The following ADCK1 variants were observed in gnomAD, a reference collection of about 807,000 sequenced individuals.
The protein encoded by ADCK1 is aarF domain-containing protein kinase 1.
In ADCK1, 41 loss-of-function variants were observed where a neutral mutation model predicts 52.3. The ratio of observed to expected loss-of-function variants is 0.78; its 90% confidence interval spans 0.61 to 1.02. ADCK1 has a LOEUF of 1.02. ADCK1 is among the 50% of genes least tolerant of loss of function. The pLI is 0.00. For missense variants in ADCK1, 658 were observed against 679.5 expected (o/e 0.97, Z 0.35); for synonymous variants, 250 against 274.6 (o/e 0.91, Z 0.89).
chr14:77,852,899 ATATATATATTTTTTTTT>A (rs1288363016), intron 3 of ADCK1, among the ~76,000 whole-genome samples: 1 of 33,470 alleles, frequency 3.0e-5, no homozygotes, highest in East Asian at 4.2e-4. Flanking sequence ...ATATATATAT[ATATATATATTTTTTTTT>A]TTTTTTTTTT....
intron 1 of ADCK1, among the ~76,000 whole-genome samples, chr14:77,807,508 ATTT>A (rs35510266): frequency 3.1e-5 from 4 of 130,296 alleles, no homozygotes; most frequent in African/African-American, 5.8e-5. Context: ...CGCCCAGCTA[ATTT>A]TTTTTTTTTT....
chr14:77,876,218 T>C (rs989186308), intron 4 of ADCK1, among the ~76,000 whole-genome samples: 2 of 152,196 alleles, frequency 1.3e-5, no homozygotes, highest in African/African-American at 4.8e-5. Flanking sequence ...TTTTCTTGGC[T>C]TTTCCAGCTT....
rs199682998 is a variant in ADCK1 at position 77,925,854 on chromosome 14, C to G, written c.1099C>G (p.Arg367Gly). 1 of 1,614,206 alleles carries G rather than the reference C, an allele frequency of 6.2e-7. No homozygotes were observed. The highest frequency in any genetic ancestry group is 1.7e-5 in the Admixed American group (1 of 60,024). Reference sequence around the variant, plus strand: ...GAAGAGAGTGAAGGAGTACAGCCAGCGACTGGGAGCCGGGGATCTCTACCC... The same window carrying G: ...GAAGAGAGTGAAGGAGTACAGCCAGGGACTGGGAGCCGGGGATCTCTACCC... ...DMKRVKEYSQRLGAGDLYPLF... is the reference protein window; with the variant it reads ...DMKRVKEYSQGLGAGDLYPLF... Residue 367 changes from arginine to glycine, a missense_variant, in exon 9 of 11, where the codon CGA becomes GGA. Physicochemically the swap from Arg to Gly is moderately radical, Grantham distance 125 (BLOSUM62 -2). Transcript: ENST00000238561.
At chr14:77,823,778 T>C (rs571989924) in intron 3 of ADCK1, among the ~76,000 whole-genome samples, 2 of 152,156 alleles carry the variant, frequency 1.3e-5, no homozygotes, top group South Asian at 2.1e-4. Flanking sequence ...TAGCATGTTG[T>C]CCAGGCTGTC....
intron 4 of ADCK1, among the ~76,000 whole-genome samples, chr14:77,863,342 T>C (rs1419517227): frequency 6.6e-6 from 1 of 151,820 alleles, no homozygotes; most frequent in Non-Finnish European, 1.5e-5. Context: ...GAGGAAGATA[T>C]AGATGGGGAG....
chr14:77,809,410 A>G lies in ADCK1; in HGVS notation c.-12+9240A>G, dbSNP rs906258198. ...AATGGCGTGACCTTGGCTCACTACA[A>G]TTACCGCCTCCCGGGTTCAAGCGAT... is the stretch of plus-strand genomic sequence containing the variant. On this transcript the variant is annotated intron_variant, in intron 1 of 10. Transcript: ENST00000238561. 4.6e-5 allele frequency among the ~76,000 whole-genome samples: 7 copies of G among 152,058 alleles called. No individual in the cohort carries two copies. In the South Asian group the frequency reaches 1.5e-3, roughly 32 times the overall value.
chr14:77,852,663 A>AAATATATATATATATT (rs1566667072), intron 3 of ADCK1, among the ~76,000 whole-genome samples: 14 of 87,588 alleles, frequency 1.6e-4, no homozygotes, highest in South Asian at 7.4e-4. Flanking sequence ...ATAAATAAAT[A>AAATATATATATATATT]TATATATATA....
intron 4 of ADCK1, among the ~76,000 whole-genome samples, chr14:77,869,631 G>A (rs1566684816): frequency 1.3e-5 from 2 of 152,166 alleles, no homozygotes; most frequent in African/African-American, 4.8e-5. Flanking sequence ...GGTGCATTAG[G>A]TCTTCTGTGG....
intron 3 of ADCK1, among the ~76,000 whole-genome samples, chr14:77,851,974 G>T (rs965360673): frequency 6.6e-6 from 1 of 151,514 alleles, no homozygotes; most frequent in African/African-American, 2.4e-5. Flanking sequence ...CCTGATGAAG[G>T]CTCTTTATTA....
At chr14:77,855,100 C>T (rs1411000212) in intron 3 of ADCK1, among the ~76,000 whole-genome samples, 1 of 152,250 alleles carries the variant, frequency 6.6e-6, no homozygotes, top group African/African-American at 2.4e-5. Context: ...TGCTTTCCCC[C>T]TCTGCCTTTG....
chr14:77,870,640 C>T (rs903334431), intron 4 of ADCK1, among the ~76,000 whole-genome samples: 5 of 152,132 alleles, frequency 3.3e-5, no homozygotes, highest in Admixed American at 1.3e-4. Flanking sequence ...CCATTTTTTT[C>T]TCCCCTCAAC....
At chr14:77,811,044 G>A (rs187895371) in intron 1 of ADCK1, among the ~76,000 whole-genome samples, 5 of 151,882 alleles carry the variant, frequency 3.3e-5, no homozygotes, top group African/African-American at 1.2e-4. Context: ...GGGTGAGTCT[G>A]TTGCCCCTTT....
At chr14:77,882,614 GC>G (rs1465844336) in intron 4 of ADCK1, among the ~76,000 whole-genome samples, 1 of 152,166 alleles carries the variant, frequency 6.6e-6, no homozygotes, top group Non-Finnish European at 1.5e-5. Flanking sequence ...CCTGAGGCTG[GC>G]CACGCTGTGG....
chr14:77,804,116 AT>A (rs1322123426), intron 1 of ADCK1, among the ~76,000 whole-genome samples: 1 of 152,094 alleles, frequency 6.6e-6, no homozygotes, highest in Non-Finnish European at 1.5e-5. Flanking sequence ...TTATCTAGTG[AT>A]TAGGTTTAAG....
intron 1 of ADCK1, among the ~76,000 whole-genome samples, chr14:77,811,935 A>G (rs1490098873): frequency 6.6e-6 from 1 of 152,258 alleles, no homozygotes. Context: ...TATCAAGGAA[A>G]TAAAGAGCAT....
intron 1 of ADCK1, among the ~76,000 whole-genome samples, chr14:77,815,097 TG>T (rs1335063979): frequency 6.6e-6 from 1 of 151,344 alleles, no homozygotes; most frequent in Admixed American, 6.6e-5. Flanking sequence ...TTCACCATGT[TG>T]GTTAGGCTGG....
chr14:77,924,531 C>T lies in ADCK1; in HGVS notation c.933C>T (p.Pro311=), dbSNP rs369540573. Residue 311 remains proline (P), a synonymous_variant, in exon 8 of 11, where the codon CCC becomes CCT. Coordinates refer to ENST00000238561, the MANE Select transcript of ADCK1 (RefSeq NM_020421.4). ...VNGFVHCDPH[P]GNVLVRKHPG... ...GCTTCGTGCACTGCGATCCCCACCC[C>T]GGCAATGTACTGGTGCGGAAGCACC... The T allele has an allele frequency of 4.2e-5, 67 of 1,614,108 alleles. No homozygotes were observed. In the African/African-American group the frequency reaches 4.4e-4, roughly 11 times the overall value.
chr14:77,850,570 C>A (rs1356581543), intron 3 of ADCK1, among the ~76,000 whole-genome samples: 1 of 149,894 alleles, frequency 6.7e-6, no homozygotes, highest in Non-Finnish European at 1.5e-5. Flanking sequence ...TGATAATATT[C>A]TTTTCTCTGA....
chr14:77,909,451 A>G (rs571811864), intron 7 of ADCK1, among the ~76,000 whole-genome samples: 169 of 152,230 alleles, frequency 1.1e-3, no homozygotes, highest in African/African-American at 3.9e-3. Flanking sequence ...GCTCTTTTCT[A>G]TTCCACTCCC....
Sources: allele counts gnomAD v4.1 joint callset (sites outside exome capture counted in the v4.1 genomes callset), GRCh38; gene constraint gnomAD v4.1.1; transcripts MANE v1.5; gene names NCBI Gene and HGNC (gene_info 2026-07-23, HGNC 2026-07-21).